Variants in MED24 observed in about 807,000 individuals in gnomAD.
The protein encoded by MED24 is mediator complex subunit 24.
Under a neutral mutation model 118.8 loss-of-function variants are expected in MED24, and 74 were observed. The ratio of observed to expected loss-of-function variants is 0.62; its 90% confidence interval spans 0.52 to 0.76. The LOEUF (loss-of-function observed/expected upper bound fraction) is 0.76, where lower values mean the gene tolerates loss of function less well. Ranked by LOEUF, MED24 falls within the 30% of genes least tolerant of loss-of-function variation. The pLI, the probability that MED24 is intolerant of heterozygous loss-of-function variation, is 0.00. For missense variants in MED24, 1,041 were observed against 1,278.9 expected, an observed-to-expected ratio of 0.81 and a Z score of 2.84; for synonymous variants, 521 against 523.9, an observed-to-expected ratio of 0.99 and a Z score of 0.08.
rs1381311924 is a variant in MED24 at position 40,035,335 on chromosome 17, G to C, written c.341C>G (p.Ala114Gly). 1.9e-6 allele frequency: 3 copies of C among 1,588,846 alleles called. No homozygotes were observed. In the South Asian group the frequency reaches 3.3e-5, roughly 18 times the overall value. Residue 114 changes from alanine (A) to glycine (G), a missense_variant, in exon 6 of 26, where the codon GCA becomes GGA. Transcript: ENST00000394128. ...FCDRLSCHGK[A>G]EECIGLCRAL... Reference sequence around the variant, plus strand: ...TCGGCACAGTCCGATGCATTCCTCTGCTTTGCCGTGACAGCTACAGGGAAG... The same window carrying C: ...TCGGCACAGTCCGATGCATTCCTCTCCTTTGCCGTGACAGCTACAGGGAAG...
At chr17:40,022,267 C>A in intron 22 of MED24, 127 bp downstream of exon 22, 1 of 1,072,182 alleles carries the variant, frequency 9.3e-7, no homozygotes, top group South Asian at 1.5e-5. Flanking sequence ...CCTGACCAAT[C>A]ATGCCCAGGC....
At chr17:40,053,725 G>T in intron 1 of MED24, 90 bp from the exon 2 acceptor site, 1 of 1,513,328 alleles carries the variant, frequency 6.6e-7, no homozygotes, top group Non-Finnish European at 9.1e-7. Context: ...AGGAGAAGAT[G>T]CGGGAAGATT....
At chr17:40,024,487 T>C (rs1982412837) in intron 19 of MED24, among the ~76,000 whole-genome samples, 1 of 152,076 alleles carries the variant, frequency 6.6e-6, no homozygotes, top group African/African-American at 2.4e-5. Context: ...TGAGCCTAGA[T>C]AGTGCCACAG....
intron 14 of MED24, 167 bp from the exon 15 acceptor site, chr17:40,028,113 T>G (rs1982927880): frequency 2.8e-6 from 2 of 726,514 alleles, no homozygotes; most frequent in African/African-American, 1.8e-5. Context: ...TTTTGTTTTT[T>G]GTTTTTTTTT....
chr17:40,019,967 G>A (rs1461784343), intron 24 of MED24, 34 bp from the exon 25 acceptor site: 1 of 1,553,026 alleles, frequency 6.4e-7, no homozygotes, highest in Non-Finnish European at 8.7e-7. Flanking sequence ...ACAGGAGGGA[G>A]TTCCATGAGA....
intron 3 of MED24, among the ~76,000 whole-genome samples, chr17:40,047,293 G>C (rs943334365): frequency 2.0e-4 from 31 of 152,120 alleles, no homozygotes; most frequent in African/African-American, 7.2e-4. Context: ...CGGTAAAAGG[G>C]AACTTTCTGA....
chr17:40,039,588 G>C (rs1984317594), intron 3 of MED24, among the ~76,000 whole-genome samples: 1 of 152,110 alleles, frequency 6.6e-6, no homozygotes, highest in South Asian at 2.1e-4. Flanking sequence ...TGTTACTTCA[G>C]CCTCTTTCTC....
chr17:40,034,274 A>G (rs973693314), intron 6 of MED24, among the ~76,000 whole-genome samples: 3 of 152,232 alleles, frequency 2.0e-5, no homozygotes, highest in Admixed American at 1.3e-4. Flanking sequence ...AAGGTAGGGA[A>G]GAGGCTGTCA....
intron 3 of MED24, among the ~76,000 whole-genome samples, chr17:40,049,597 G>T (rs1436971625): frequency 6.6e-6 from 1 of 151,974 alleles, no homozygotes; most frequent in East Asian, 1.9e-4. Flanking sequence ...CACAATCTTG[G>T]CTTACTGCAA....
In MED24 at chr17:40,027,050, G is replaced by C. The variant is rs373035845; in HGVS notation, c.1531-16C>G. The stretch of plus-strand genomic sequence containing the variant: ...ACAGAATCACCTGGGAAAGGGGAAG[G>C]GGGGCACCAGCCGAGTGGGGAGGGC... On this transcript the variant is annotated splice_polypyrimidine_tract_variant and intron_variant, in intron 16 of 25. Coordinates refer to ENST00000394128, the MANE Select transcript of MED24 (RefSeq NM_014815.4). 5.6e-6 allele frequency: 9 copies of C among 1,613,238 alleles called. No homozygotes were observed. The South Asian group carries it at 6.6e-5, about 12-fold the overall frequency.
intron 3 of MED24, among the ~76,000 whole-genome samples, chr17:40,037,866 G>C (rs1216446558): frequency 6.6e-6 from 1 of 151,124 alleles, no homozygotes; most frequent in Non-Finnish European, 1.5e-5. Flanking sequence ...AGCCGAGATT[G>C]CGCCACTGCA....
At chr17:40,022,144 G>A in intron 22 of MED24, 90 bp from the exon 23 acceptor site, 1 of 1,087,562 alleles carries the variant, frequency 9.2e-7, no homozygotes, top group Non-Finnish European at 1.3e-6. Context: ...ATTTGAGCGA[G>A]GTCAGCATGG....
At chr17:40,037,930 T>C (rs1433297683) in intron 3 of MED24, among the ~76,000 whole-genome samples, 1 of 148,424 alleles carries the variant, frequency 6.7e-6, no homozygotes, top group East Asian at 2.0e-4. Flanking sequence ...AAAAAAGAAA[T>C]GTCACACACA....
At chr17:40,032,300 C>T in intron 9 of MED24, 1 of 598,732 alleles carries the variant, frequency 1.7e-6, no homozygotes, top group Non-Finnish European at 2.9e-6. Context: ...CACAAGCACC[C>T]TGCACCTCCG....
At position 40,035,317 on chromosome 17, in the gene MED24, A is replaced by C; in HGVS notation, c.359T>G (p.Leu120Arg). Reference protein sequence around the residue: ...CHGKAEECIGLCRALLSALHW... With the variant: ...CHGKAEECIGRCRALLSALHW... ...GAGGGCGCTAAGAAGGGCTCGGCAC[A>C]GTCCGATGCATTCCTCTGCTTTGCC... Residue 120 changes from leucine to arginine, a missense_variant, in exon 6 of 26, where the codon CTG becomes CGG. Transcript: ENST00000394128. 6.2e-7 allele frequency: 1 copy of C among 1,600,866 alleles called. No individual in the cohort carries two copies. Among genetic ancestry groups the C allele is most frequent in the Non-Finnish European group, 8.5e-7 (1 of 1,170,176 alleles).
intron 3 of MED24, among the ~76,000 whole-genome samples, chr17:40,049,430 AC>A (rs1985581204): frequency 6.6e-6 from 1 of 152,226 alleles, no homozygotes; most frequent in East Asian, 1.9e-4. Context: ...TTGATTGTTC[AC>A]ACTGGACTGG....
Position 40,036,173 on chromosome 17 carries a change from G to T in MED24, c.214-19C>A. The T allele has an allele frequency of 4.4e-6, 7 of 1,606,380 alleles. No individual in the cohort carries two copies. The highest frequency in any genetic ancestry group is 6.0e-6 in the Non-Finnish European group (7 of 1,172,912). On this transcript the variant is annotated intron_variant, in intron 3 of 25. Transcript: ENST00000394128. ...ACACCATCTGGAGAGAAGGAAGAAA[G>T]ATAATCTTTAGACAACTAGTCTCCC...
At chr17:40,025,459 A>C (rs1982534477) in intron 19 of MED24, among the ~76,000 whole-genome samples, 1 of 152,200 alleles carries the variant, frequency 6.6e-6, no homozygotes, top group Non-Finnish European at 1.5e-5. Flanking sequence ...CTCAACAACA[A>C]CAACAACAAA....
chr17:40,031,964 C>G lies in MED24; in HGVS notation c.984+79G>C, dbSNP rs1598347834. On this transcript the variant is annotated intron_variant, in intron 10 of 25. Transcript: ENST00000394128. Reference sequence around the variant, plus strand: ...CGGCTCTCTTCCAGGCATGAGAACACTGCCCAGCTGGGGCCTGAAGGACCC... The same window carrying G: ...CGGCTCTCTTCCAGGCATGAGAACAGTGCCCAGCTGGGGCCTGAAGGACCC... 2.0e-6 allele frequency: 3 copies of G among 1,485,174 alleles called. No individual in the cohort carries two copies. In the East Asian group the frequency reaches 6.8e-5, roughly 34 times the overall value. 92.0% of individuals were successfully genotyped at this position (1,485,174 alleles called of 1,614,324 possible).
Sources: gnomAD v4.1 joint callset for allele counts (sites outside exome capture counted in the v4.1 genomes callset) on GRCh38, gnomAD v4.1.1 for gene constraint, MANE v1.5 for transcripts, NCBI Gene and HGNC (gene_info 2026-07-23, HGNC 2026-07-21) for gene names.